Variants in EPHA4 observed in about 807,000 individuals in gnomAD.
EPHA4 encodes EPH receptor A4, also known as ephrin type-A receptor 4.
Under a neutral mutation model 108.3 loss-of-function variants are expected in EPHA4, and 19 were observed. That is an observed-to-expected ratio of 0.18 (90% CI 0.12 to 0.26). The LOEUF is 0.26. EPHA4 is among the 10% of genes least tolerant of loss of function. The pLI is 1.00. For synonymous variants in EPHA4, 449 were observed against 455.5 expected (o/e 0.99, Z 0.18); for missense variants, 917 against 1,254.0 (o/e 0.73, Z 4.06).
chr2:221,530,117 G>A (rs1162033173), intron 3 of EPHA4, among the ~76,000 whole-genome samples: 1 of 150,926 alleles, frequency 6.6e-6, no homozygotes, highest in Non-Finnish European at 1.5e-5. Flanking sequence ...TTGAAAAAAG[G>A]AACATTGTTG....
chr2:221,457,412 A>G (rs1459451814), intron 6 of EPHA4, among the ~76,000 whole-genome samples: 1 of 152,198 alleles, frequency 6.6e-6, no homozygotes, highest in Non-Finnish European at 1.5e-5. Flanking sequence ...CAAAACCCAC[A>G]TCTTTATTCT....
At chr2:221,523,389 G>A (rs2106176294) in intron 3 of EPHA4, among the ~76,000 whole-genome samples, 1 of 152,014 alleles carries the variant, frequency 6.6e-6, no homozygotes, top group Non-Finnish European at 1.5e-5. Flanking sequence ...CCAAGTTCAA[G>A]CAATTCTCCT....
At chr2:221,439,664 T>G (rs1364198781) in intron 11 of EPHA4, among the ~76,000 whole-genome samples, 3 of 151,730 alleles carry the variant, frequency 2.0e-5, no homozygotes, top group Non-Finnish European at 4.4e-5. Context: ...GTGACCATAG[T>G]CTTCTGACAG....
chr2:221,537,667 G>A (rs1282566680), intron 3 of EPHA4, among the ~76,000 whole-genome samples: 1 of 152,226 alleles, frequency 6.6e-6, no homozygotes. Context: ...GTGCACACCT[G>A]TAGCCCTAGC....
intron 9 of EPHA4, among the ~76,000 whole-genome samples, 185 bp from the exon 10 acceptor site, chr2:221,443,791 T>C (rs978793183): frequency 4.6e-5 from 7 of 152,218 alleles, no homozygotes; most frequent in African/African-American, 7.2e-5. Context: ...TGTTAGCTAC[T>C]TAAGAGGCTG....
At position 221,419,492 on chromosome 2, in the gene EPHA4, A is replaced by G. The variant is rs1051493752; in HGVS notation, c.*1880T>C. The stretch of plus-strand genomic sequence containing the variant: ...AATTGCATATATTCGTTCGCATTCA[A>G]CAAGTCCATTTATGCAGGAAAACAA... On this transcript the variant is annotated 3_prime_UTR_variant, in exon 18 of 18. Coordinates refer to ENST00000281821, the MANE Select transcript of EPHA4 (RefSeq NM_004438.5). 1.3e-5 allele frequency: 2 copies of G among 152,636 alleles called. No individual in the cohort carries two copies. The highest frequency in any genetic ancestry group is 2.9e-5 in the Non-Finnish European group (2 of 68,044). 9.5% of individuals were successfully genotyped at this position (152,636 alleles called of 1,614,324 possible).
rs372837272 is a variant in EPHA4, at chr2:221,524,802, A to C, written c.824-23630T>G. On this transcript the variant is annotated intron_variant, in intron 3 of 17. Transcript: ENST00000281821. ...ACAATTGATGCTTATTAGCACCCAA[A>C]AGCTTGATGTGATGGCTACGGCACG... Among the ~76,000 whole-genome samples, 26 of 152,322 alleles carry C rather than the reference A, an allele frequency of 1.7e-4. No individual in the cohort carries two copies. In the East Asian group the frequency reaches 3.3e-3, roughly 19 times the overall value.
chr2:221,439,825 G>T (rs1218689871), intron 11 of EPHA4, among the ~76,000 whole-genome samples: 1 of 152,164 alleles, frequency 6.6e-6, no homozygotes, highest in African/African-American at 2.4e-5. Context: ...GACAGGAGAG[G>T]ATCCAAAAGT....
chr2:221,452,300 T>G (rs1424698905), intron 8 of EPHA4, among the ~76,000 whole-genome samples: 1 of 152,236 alleles, frequency 6.6e-6, no homozygotes, highest in Non-Finnish European at 1.5e-5. Context: ...TTTCATAGGC[T>G]AGGGTGTTTA....
intron 3 of EPHA4, among the ~76,000 whole-genome samples, chr2:221,510,959 A>G (rs16862793): frequency 3.1e-3 from 466 of 152,298 alleles, no homozygotes; most frequent in African/African-American, 0.011. Flanking sequence ...TCATATATGT[A>G]TAAAGGGAAT....
In EPHA4 at chr2:221,480,752, C is replaced by T. The variant is rs140444918; in HGVS notation, c.1318+1600G>A. Among the ~76,000 whole-genome samples the T allele has an allele frequency of 7.2e-4, 109 of 152,286 alleles. 1 individual carries two copies. The highest frequency in any genetic ancestry group is 1.4e-3 in the African/African-American group (58 of 41,548). ...CATTTGCAGAGCTGAAGATACATTC[C>T]GGTAAGACTTGCCATTCTAGCCCCT... On this transcript the variant is annotated intron_variant, in intron 5 of 17. Transcript: ENST00000281821.
At chr2:221,456,876 A>G in intron 6 of EPHA4, 104 bp from the exon 7 acceptor site, 1 of 1,249,130 alleles carries the variant, frequency 8.0e-7, no homozygotes, top group Non-Finnish European at 1.1e-6. Flanking sequence ...TCAGAAACTG[A>G]AAGTAAATGG....
At chr2:221,496,868 C>T (rs1472027396) in intron 4 of EPHA4, among the ~76,000 whole-genome samples, 1 of 152,032 alleles carries the variant, frequency 6.6e-6, no homozygotes, top group African/African-American at 2.4e-5. Context: ...AAGATTGTGT[C>T]ATTGCACTCC....
chr2:221,568,039 G>C (rs1559297986), intron 2 of EPHA4, among the ~76,000 whole-genome samples: 1 of 152,202 alleles, frequency 6.6e-6, no homozygotes, highest in Non-Finnish European at 1.5e-5. Context: ...AGGCAGTAAT[G>C]ACAAGTATTA....
intron 11 of EPHA4, among the ~76,000 whole-genome samples, chr2:221,439,086 T>C (rs1257676883): frequency 6.6e-6 from 1 of 152,082 alleles, no homozygotes; most frequent in Non-Finnish European, 1.5e-5. Flanking sequence ...GTCTAAGAAA[T>C]TACTCAGAGG....
At chr2:221,472,915 G>A (rs768003398) in intron 5 of EPHA4, among the ~76,000 whole-genome samples, 1 of 152,140 alleles carries the variant, frequency 6.6e-6, no homozygotes, top group Non-Finnish European at 1.5e-5. Context: ...TGTCAGAATA[G>A]AGAAAGAAGA....
rs1271614199 is a variant in EPHA4, at chr2:221,571,975, G to T, written c.91+183C>A. 6.6e-6 allele frequency among the ~76,000 whole-genome samples: 1 copy of T among 152,146 alleles called. No individual in the cohort carries two copies. Among genetic ancestry groups the T allele is most frequent in the South Asian group, 2.1e-4 (1 of 4,834 alleles). The stretch of plus-strand genomic sequence containing the variant: ...TGCACGGGTCACCGCCTCGGGGCAG[G>T]CTGTCCGGCGGTTCCCCGCTGCCCC... On this transcript the variant is annotated intron_variant, in intron 1 of 17. Coordinates refer to ENST00000281821, the MANE Select transcript of EPHA4 (RefSeq NM_004438.5). This position sits in a 1 kb window ranked among gnomAD's most constrained non-coding sequence, Gnocchi z 6.3.
At chr2:221,554,317 C>T (rs1205544694) in intron 3 of EPHA4, among the ~76,000 whole-genome samples, 1 of 152,240 alleles carries the variant, frequency 6.6e-6, no homozygotes, top group East Asian at 1.9e-4. Flanking sequence ...CTTAATTAGA[C>T]TGCAACGTCT....
intron 5 of EPHA4, among the ~76,000 whole-genome samples, chr2:221,472,124 G>T (rs1476319400): frequency 6.6e-6 from 1 of 151,998 alleles, no homozygotes; most frequent in African/African-American, 2.4e-5. Flanking sequence ...TAGATAAAAA[G>T]AAGTCTTTAA....
Sources: allele counts gnomAD v4.1 joint callset (sites outside exome capture counted in the v4.1 genomes callset), GRCh38; gene constraint gnomAD v4.1.1; non-coding constraint Gnocchi (gnomAD v3.1); transcripts MANE v1.5; gene names NCBI Gene and HGNC (gene_info 2026-07-23, HGNC 2026-07-21).